The following ZC3H14 variants were observed in gnomAD, a reference collection of about 807,000 sequenced individuals.
ZC3H14 encodes the protein zinc finger CCCH-type containing 14.
Under a neutral mutation model 92.4 loss-of-function variants are expected in ZC3H14, and 31 were observed. That is an observed-to-expected ratio of 0.34 (90% CI 0.25 to 0.45). ZC3H14 has a LOEUF of 0.45. Among genes scored for constraint, ZC3H14 ranks in the 20% least tolerant of loss-of-function variants. ZC3H14 has a pLI of 1.00. For missense variants in ZC3H14, 781 were observed against 897.3 expected, an observed-to-expected ratio of 0.87 and a Z score of 1.66; for synonymous variants, 321 against 300.9, an observed-to-expected ratio of 1.07 and a Z score of -0.69.
chr14:88,566,208 G>A (rs1224109285), intron 2 of ZC3H14, among the ~76,000 whole-genome samples: 1 of 151,268 alleles, frequency 6.6e-6, no homozygotes, highest in African/African-American at 2.4e-5. Context: ...ATTTAATAAT[G>A]TTACTTGTGT....
chr14:88,566,842 C>G (rs997927756), intron 2 of ZC3H14, among the ~76,000 whole-genome samples: 1 of 151,634 alleles, frequency 6.6e-6, no homozygotes, highest in Non-Finnish European at 1.5e-5. Context: ...ATCGCTTGAA[C>G]CCAGGAAGCA....
rs549172994 is a variant in ZC3H14, at chr14:88,623,416, A to G, written c.*11665A>G. On this transcript the variant is annotated 3_prime_UTR_variant, in exon 17 of 17. Coordinates refer to ENST00000251038, the MANE Select transcript of ZC3H14 (RefSeq NM_024824.5). ...AATAGAATTACAAATGCTATGCTAC[A>G]GAGTTGATTTATTTATTTTTTTGAG... 6.6e-6 allele frequency: 1 copy of G among 152,190 alleles called. No homozygotes were observed. The highest frequency in any genetic ancestry group is 2.4e-5 in the African/African-American group (1 of 41,516). The allele number at this position is 152,190 out of a possible 1,614,324, so 9.4% of individuals were successfully genotyped here.
chr14:88,624,775 A>G lies in ZC3H14; in HGVS notation c.*13024A>G. On this transcript the variant is annotated 3_prime_UTR_variant, in exon 17 of 17. Coordinates refer to ENST00000251038, the MANE Select transcript of ZC3H14 (RefSeq NM_024824.5). ...CAGAAAAAGTATCACCCCAACATGA[A>G]AAAAATTGGAAGTGAATTAAGACCA... 1 of 626,764 alleles carries G rather than the reference A, an allele frequency of 1.6e-6. No individual in the cohort carries two copies. Among genetic ancestry groups the G allele is most frequent in the Non-Finnish European group, 2.6e-6 (1 of 381,338 alleles). The allele number at this position is 626,764 out of a possible 1,614,324, so 38.8% of individuals were successfully genotyped here. A position where few individuals can be genotyped will look rare whatever the true frequency, so the allele number is the denominator to read the frequency against.
Position 88,622,592 on chromosome 14 carries a change from G to A in ZC3H14, c.*10841G>A. The A allele has an allele frequency of 1.3e-6, 2 of 1,585,120 alleles. No individual in the cohort carries two copies. The highest frequency in any genetic ancestry group is 8.6e-7 in the Non-Finnish European group (1 of 1,164,828). ...TTTCTGCTGCACTGTATCAGCTCAT[G>A]GAACATCTTACTTTGCCTCTGCACA... On this transcript the variant is annotated 3_prime_UTR_variant, in exon 17 of 17. Coordinates refer to ENST00000251038, the MANE Select transcript of ZC3H14 (RefSeq NM_024824.5).
chr14:88,587,893 A>T (rs1324508290), intron 9 of ZC3H14, among the ~76,000 whole-genome samples: 1 of 152,086 alleles, frequency 6.6e-6, no homozygotes, highest in African/African-American at 2.4e-5. Context: ...GTGAGCTGTG[A>T]TTGTGCCAGC....
intron 9 of ZC3H14, among the ~76,000 whole-genome samples, chr14:88,595,501 CTTTTCACCTCAG>C (rs2083687738): frequency 6.6e-6 from 1 of 152,140 alleles, no homozygotes; most frequent in African/African-American, 2.4e-5. Context: ...CTTCCTGTAA[CTTTTCACCTCAG>C]TTTTCCAAGC....
chr14:88,607,599 C>T (rs116323359), intron 13 of ZC3H14, among the ~76,000 whole-genome samples: 1,693 of 132,426 alleles, frequency 0.013, 45 homozygotes, highest in African/African-American at 0.049. Context: ...CTCCCCATCT[C>T]ACCCTGTAAC....
chr14:88,625,122 G>A lies in ZC3H14; in HGVS notation c.*13371G>A, dbSNP rs747813859. The A allele has an allele frequency of 6.2e-7, 1 of 1,613,450 alleles. No homozygotes were observed. Among genetic ancestry groups the A allele is most frequent in the South Asian group, 1.1e-5 (1 of 90,884 alleles). On this transcript the variant is annotated 3_prime_UTR_variant, in exon 17 of 17. Coordinates refer to ENST00000251038, the MANE Select transcript of ZC3H14 (RefSeq NM_024824.5). ...CACTGATGGTACCTGTAAACGTCAA[G>A]TTATTCTGAAAAGGAGTGGGGGAGG...
At chr14:88,609,843 A>G in intron 15 of ZC3H14, 40 bp downstream of exon 15, 1 of 1,587,502 alleles carries the variant, frequency 6.3e-7, no homozygotes, top group South Asian at 1.1e-5. Flanking sequence ...TAGTGACAAC[A>G]TCTCAATTTC....
Position 88,616,975 on chromosome 14 carries a change from A to G in ZC3H14, c.*5224A>G. 8.7e-7 allele frequency: 1 copy of G among 1,143,504 alleles called. No individual in the cohort carries two copies. Among genetic ancestry groups the G allele is most frequent in the Non-Finnish European group, 1.2e-6 (1 of 803,360 alleles). 70.8% of individuals were successfully genotyped at this position (1,143,504 alleles called of 1,614,324 possible). Reference sequence around the variant, plus strand: ...TTGGCAATTAATCTCTAAGTACCCTATCATGTTACTTAAAATACAGGAAGT... The same window carrying G: ...TTGGCAATTAATCTCTAAGTACCCTGTCATGTTACTTAAAATACAGGAAGT... On this transcript the variant is annotated 3_prime_UTR_variant, in exon 17 of 17. Transcript: ENST00000251038.
At chr14:88,607,896 C>T (rs530761473) in intron 13 of ZC3H14, among the ~76,000 whole-genome samples, 1 of 123,646 alleles carries the variant, frequency 8.1e-6, no homozygotes, top group Non-Finnish European at 1.7e-5. Flanking sequence ...CCATCTCACC[C>T]TGCAAGTATC....
chr14:88,626,528 G>A lies in ZC3H14; in HGVS notation c.*14777G>A, dbSNP rs2089967268. 1 of 288,342 alleles carries A rather than the reference G, an allele frequency of 3.5e-6. No homozygotes were observed. The highest frequency in any genetic ancestry group is 2.2e-5 in the African/African-American group (1 of 45,998). The allele number at this position is 288,342 out of a possible 1,614,324, so 17.9% of individuals were successfully genotyped here. A position where few individuals can be genotyped will look rare whatever the true frequency, so the allele number is the denominator to read the frequency against. ...AGTCCCAGCTACTAAGGAGGCTGAGGATCACTTGAACCTGGGAGATGGAGG... is the reference window on the plus strand; with the variant it reads ...AGTCCCAGCTACTAAGGAGGCTGAGAATCACTTGAACCTGGGAGATGGAGG... On this transcript the variant is annotated 3_prime_UTR_variant, in exon 17 of 17. Transcript: ENST00000251038.
chr14:88,574,559 A>G (rs1286592529), intron 6 of ZC3H14, 134 bp from the exon 7 acceptor site: 6 of 1,153,024 alleles, frequency 5.2e-6, no homozygotes, highest in Non-Finnish European at 7.6e-6. Context: ...TTATATTTTT[A>G]CATAAAACCA....
At chr14:88,594,691 T>C in intron 9 of ZC3H14, 1 of 1,613,420 alleles carries the variant, frequency 6.2e-7, no homozygotes, top group Middle Eastern at 1.7e-4. Flanking sequence ...AGGGAGAGAA[T>C]TTTATGAAAA....
intron 9 of ZC3H14, among the ~76,000 whole-genome samples, chr14:88,587,610 T>G (rs2082615809): frequency 6.6e-6 from 1 of 152,196 alleles, no homozygotes; most frequent in African/African-American, 2.4e-5. Flanking sequence ...ACTTAGTCGA[T>G]TGACTCTAAG....
chr14:88,596,937 A>G lies in ZC3H14; in HGVS notation c.1354+129A>G, dbSNP rs1037417149. On this transcript the variant is annotated intron_variant, in intron 10 of 16. Coordinates refer to ENST00000251038, the MANE Select transcript of ZC3H14 (RefSeq NM_024824.5). ...AGATGTTATATTTAGATCTGTGAAA[A>G]TATTTTAGGGCCAGGAGATAAGATC... 1.5e-5 allele frequency: 12 copies of G among 799,058 alleles called. No individual in the cohort carries two copies. In the African/African-American group the frequency reaches 2.1e-4, roughly 14 times the overall value. The allele number at this position is 799,058 out of a possible 1,614,324, so 49.5% of individuals were successfully genotyped here. A position where few individuals can be genotyped will look rare whatever the true frequency, so the allele number is the denominator to read the frequency against.
chr14:88,607,520 C>G (rs1366029813), intron 13 of ZC3H14, among the ~76,000 whole-genome samples, 157 bp downstream of exon 13: 1 of 146,372 alleles, frequency 6.8e-6, no homozygotes, highest in Non-Finnish European at 1.5e-5. Flanking sequence ...ACCATCCCAT[C>G]TCACCCTGCA....
Position 88,563,133 on chromosome 14 carries a change from C to T in ZC3H14, c.-1C>T. ...GCTGAGTTCCCGCACGCCGCAGAGCCATGGAGATCGGCACCGAGATCAGCC... is the reference window on the plus strand; with the variant it reads ...GCTGAGTTCCCGCACGCCGCAGAGCTATGGAGATCGGCACCGAGATCAGCC... On this transcript the variant is annotated 5_prime_UTR_variant, in exon 1 of 17. Transcript: ENST00000251038. 2 of 1,597,096 alleles carry T rather than the reference C, an allele frequency of 1.3e-6. No homozygotes were observed.
intron 10 of ZC3H14, among the ~76,000 whole-genome samples, chr14:88,597,057 C>T (rs749094708): frequency 2.2e-4 from 34 of 152,180 alleles, no homozygotes; most frequent in Non-Finnish European, 3.5e-4. Context: ...CTAGCACTGT[C>T]GGCTGTCACT....
Sources: gnomAD v4.1 joint callset for allele counts (sites outside exome capture counted in the v4.1 genomes callset) on GRCh38, gnomAD v4.1.1 for gene constraint, MANE v1.5 for transcripts, NCBI Gene and HGNC (gene_info 2026-07-23, HGNC 2026-07-21) for gene names.